The following SSC5D variants were observed in gnomAD, a reference collection of about 807,000 sequenced individuals.
SSC5D encodes soluble scavenger receptor cysteine-rich domain-containing protein SSC5D.
Under a neutral mutation model 104.6 loss-of-function variants are expected in SSC5D, and 106 were observed. The ratio of observed to expected loss-of-function variants is 1.01; its 90% CI spans 0.87 to 1.19. SSC5D has a LOEUF of 1.19. Ranked by LOEUF, SSC5D falls within the 50% of genes most tolerant of loss-of-function variation. The pLI is 0.00. For synonymous variants in SSC5D, 860 were observed against 883.5 expected, an observed-to-expected ratio of 0.97 and a Z score of 0.47; for missense variants, 1,993 against 2,153.8, an observed-to-expected ratio of 0.93 and a Z score of 1.48.
At chr19:55,512,846 C>T (rs1987787196) in intron 12 of SSC5D, among the ~76,000 whole-genome samples, 165 bp from the exon 13 acceptor site, 1 of 152,128 alleles carries the variant, frequency 6.6e-6, no homozygotes, top group Non-Finnish European at 1.5e-5. Context: ...CCAAAAACAT[C>T]CCAGCTGAAT....
chr19:55,515,471 G>A (rs1052636946), intron 13 of SSC5D, among the ~76,000 whole-genome samples: 3 of 150,252 alleles, frequency 2.0e-5, no homozygotes, highest in Admixed American at 1.3e-4. Context: ...CAGTGGCCAC[G>A]CCTGTAATCC....
At position 55,500,060 on chromosome 19, in the gene SSC5D, A is replaced by G. The variant is rs1221577568; in HGVS notation, c.1950A>G (p.Lys650=). ...TTQPPVMPTT[K]HSRAQSPPDL... The stretch of plus-strand genomic sequence containing the variant: ...AACCCCCAGTGATGCCAACCACGAA[A>G]CACTCCAGGGCCCAAAGCCCCCCAG... The change falls in exon 10 of 14, where the codon AAA becomes AAG. Residue 650 remains lysine (K), a synonymous_variant. Coordinates refer to ENST00000389623, the MANE Select transcript of SSC5D (RefSeq NM_001144950.2). The surrounding 1 kb of genome is among the most constrained non-coding windows in gnomAD (Gnocchi z 4.6). 4 of 1,551,676 alleles carry G rather than the reference A, an allele frequency of 2.6e-6. No homozygotes were observed. Among genetic ancestry groups the G allele is most frequent in the Middle Eastern group, 1.7e-4 (1 of 6,014 alleles).
intron 12 of SSC5D, chr19:55,504,323 T>C: frequency 2.1e-6 from 3 of 1,408,742 alleles, no homozygotes; most frequent in South Asian, 3.1e-5. Flanking sequence ...AATCACAAAC[T>C]GCGCCGGTGA....
rs575196468 is a variant in SSC5D at position 55,518,844 on chromosome 19, T to A, written c.4568T>A (p.Leu1523Gln). 6.1e-5 allele frequency: 94 copies of A among 1,550,318 alleles called. No homozygotes were observed. The highest frequency in any genetic ancestry group is 8.1e-5 in the Non-Finnish European group (93 of 1,146,978). ...QERQERQALLLGLTQLVEAAR... is the reference protein window; with the variant it reads ...QERQERQALLQGLTQLVEAAR... ...CGGCAGGAGCGCCAAGCCCTGCTGCTGGGGCTGACGCAGCTGGTAGAAGCT... is the reference window on the plus strand; with the variant it reads ...CGGCAGGAGCGCCAAGCCCTGCTGCAGGGGCTGACGCAGCTGGTAGAAGCT... The change falls in exon 14 of 14, where the codon CTG (leucine) becomes CAG (glutamine). Residue 1523 changes from leucine (L) to glutamine (Q), a missense_variant. Leu to Gln is a moderately radical substitution (Grantham distance 113). Around this residue, in one of 6 missense-constraint regions of SSC5D, gnomAD observed 349 missense variants for 397.6 expected, o/e 0.88. Transcript: ENST00000389623.
Position 55,500,266 on chromosome 19 carries a change from A to G in SSC5D, c.2156A>G (p.Gln719Arg), listed in dbSNP as rs1482890155. The change falls in exon 10 of 14, where the codon CAA becomes CGA. Residue 719 changes from glutamine (Q) to arginine (R), a missense_variant. By Grantham distance (43) the Gln-to-Arg change is conservative. Around this residue, in one of 6 missense-constraint regions of SSC5D, gnomAD observed 1,101 missense variants for 1,085.0 expected, o/e 1.01. Coordinates refer to ENST00000389623, the MANE Select transcript of SSC5D (RefSeq NM_001144950.2). This position sits in a 1 kb window ranked among gnomAD's most constrained non-coding sequence, Gnocchi z 4.6. ...AAGACCATGGCAATGCTGACCACTCAAGGCCCCCAAGAAATGACCTCTGAG... is the reference window on the plus strand; with the variant it reads ...AAGACCATGGCAATGCTGACCACTCGAGGCCCCCAAGAAATGACCTCTGAG... The part of the protein sequence containing the change: ...TTKTMAMLTT[Q>R]GPQEMTSEST... 6.4e-7 allele frequency: 1 copy of G among 1,550,734 alleles called. No individual in the cohort carries two copies. Among genetic ancestry groups the G allele is most frequent in the African/African-American group, 1.4e-5 (1 of 72,746 alleles).
chr19:55,515,859 G>A (rs374475222), intron 13 of SSC5D, among the ~76,000 whole-genome samples: 2 of 152,182 alleles, frequency 1.3e-5, no homozygotes, highest in African/African-American at 4.8e-5. Context: ...AGATCACAGC[G>A]CATTCCCATC....
chr19:55,500,936 A>G lies in SSC5D; in HGVS notation c.2618-98A>G, dbSNP rs1987483010. The G allele has an allele frequency of 7.2e-6, 11 of 1,521,512 alleles. No homozygotes were observed. Among genetic ancestry groups the G allele is most frequent in the South Asian group, 2.5e-5 (2 of 80,710 alleles). 94.3% of individuals were successfully genotyped at this position (1,521,512 alleles called of 1,614,324 possible). A position where few individuals can be genotyped will look rare whatever the true frequency, so the allele number is the denominator to read the frequency against. Reference sequence around the variant, plus strand: ...TGAGGGGTCGGGGTGGGGAGATCCCAGAGTTGCTCCAGAAGATTCCAAAAG... The same window carrying G: ...TGAGGGGTCGGGGTGGGGAGATCCCGGAGTTGCTCCAGAAGATTCCAAAAG... On this transcript the variant is annotated intron_variant, in intron 11 of 13. Transcript: ENST00000389623. The surrounding 1 kb of genome is among the most constrained non-coding windows in gnomAD (Gnocchi z 4.6).
intron 12 of SSC5D, among the ~76,000 whole-genome samples, chr19:55,501,760 C>G (rs553832210): frequency 1.3e-5 from 2 of 152,230 alleles, no homozygotes; most frequent in African/African-American, 4.8e-5. Flanking sequence ...CCTGGGACCA[C>G]GCCCCGCTTT....
intron 12 of SSC5D, chr19:55,504,048 C>T: frequency 6.8e-7 from 1 of 1,476,266 alleles, no homozygotes; most frequent in Non-Finnish European, 9.1e-7. Flanking sequence ...GAAGCAGGCC[C>T]TAGAGGCGCC....
chr19:55,505,448 G>GC (rs1184725764), intron 12 of SSC5D, among the ~76,000 whole-genome samples: 2 of 151,748 alleles, frequency 1.3e-5, no homozygotes, highest in Non-Finnish European at 2.9e-5. Flanking sequence ...ATAATACATC[G>GC]CCACAAATTT....
intron 8 of SSC5D, 112 bp from the exon 9 acceptor site, chr19:55,497,768 A>C: frequency 1.2e-3 from 1,054 of 913,064 alleles, no homozygotes; most frequent in Non-Finnish European, 1.6e-3. Flanking sequence ...GAATGGAGGG[A>C]AGGCCTAGAT....
In SSC5D at chr19:55,494,627, G is replaced by A. The variant is rs540684155; in HGVS notation, c.1231G>A (p.Val411Ile). 38 of 1,542,208 alleles carry A rather than the reference G, an allele frequency of 2.5e-5. No homozygotes were observed. In the South Asian group the frequency reaches 3.1e-4, roughly 13 times the overall value. Reference sequence around the variant, plus strand: ...CTCCACAGGCATGCCCCTGGGCTACGTCCCTCCCACGGCCCCCACGGACAG... The same window carrying A: ...CTCCACAGGCATGCCCCTGGGCTACATCCCTCCCACGGCCCCCACGGACAG... Reference protein sequence around the residue: ...AVCDGMPLGYVPPTAPTDSNN... With the variant: ...AVCDGMPLGYIPPTAPTDSNN... Residue 411 changes from valine to isoleucine, a missense_variant, in exon 8 of 14, where the codon GTC becomes ATC. This residue lies in a region of SSC5D where 1,101 missense variants were observed against 1,085.0 expected (regional missense o/e 1.01). Coordinates refer to ENST00000389623, the MANE Select transcript of SSC5D (RefSeq NM_001144950.2).
chr19:55,489,754 A>G (rs1987079297), intron 3 of SSC5D, 92 bp downstream of exon 3: 6 of 1,496,518 alleles, frequency 4.0e-6, no homozygotes, highest in Non-Finnish European at 5.4e-6. Flanking sequence ...CTGAGTGTTC[A>G]GCAGTTCAGA....
chr19:55,500,309 C>T lies in SSC5D; in HGVS notation c.2199C>T (p.Ile733=), dbSNP rs1260947448. 1 of 1,551,490 alleles carries T rather than the reference C, an allele frequency of 6.4e-7. No homozygotes were observed. The highest frequency in any genetic ancestry group is 8.7e-7 in the Non-Finnish European group (1 of 1,147,002). Residue 733 remains isoleucine (I), a synonymous_variant, in exon 10 of 14, where the codon ATC becomes ATT. Coordinates refer to ENST00000389623, the MANE Select transcript of SSC5D (RefSeq NM_001144950.2). The surrounding 1 kb of genome is among the most constrained non-coding windows in gnomAD (Gnocchi z 4.6). The part of the protein sequence containing the change: ...EMTSESTIKS[I]PQASLEPSAE... The stretch of plus-strand genomic sequence containing the variant: ...CCTCTGAGTCCACTATCAAGAGTAT[C>T]CCTCAGGCCTCCCTGGAGCCATCTG...
rs192234127 is a variant in SSC5D at position 55,489,122 on chromosome 19, C to T, written c.52+90C>T. 4.4e-4 allele frequency: 419 copies of T among 954,708 alleles called. 2 individuals are homozygous for T. The African/African-American group carries it at 6.6e-3, about 15-fold the overall frequency. The allele number at this position is 954,708 out of a possible 1,614,324, so 59.1% of individuals were successfully genotyped here. ...AGGCCTGGCCTCACCCCCACTGGGT[C>T]CCCGGCCCATCCGAATTCCACTGTG... On this transcript the variant is annotated intron_variant, in intron 2 of 13. Transcript: ENST00000389623.
rs975877993 is a variant in SSC5D, at chr19:55,488,505, C to A, written c.-85C>A. 2.5e-6 allele frequency: 3 copies of A among 1,195,282 alleles called. No individual in the cohort carries two copies. Among genetic ancestry groups the A allele is most frequent in the Non-Finnish European group, 2.4e-6 (2 of 827,620 alleles). The allele number at this position is 1,195,282 out of a possible 1,614,324, so 74.0% of individuals were successfully genotyped here. A position where few individuals can be genotyped will look rare whatever the true frequency, so the allele number is the denominator to read the frequency against. ...GGGCGCCTCCAGCAGGCACTTCCCT[C>A]CCTCCCTCTCTCCCCAGCTGCCTCC... is the stretch of plus-strand genomic sequence containing the variant. On this transcript the variant is annotated 5_prime_UTR_variant, in exon 1 of 14. Transcript: ENST00000389623.
In SSC5D at chr19:55,518,610, C is replaced by A; in HGVS notation, c.4334C>A (p.Thr1445Lys). ...TVSPDPLLSP[T>K]AHPLDHPPLD... ...TCCCCTGACCCCCTCCTTTCCCCCACAGCCCACCCCTTGGATCATCCTCCC... is the reference window on the plus strand; with the variant it reads ...TCCCCTGACCCCCTCCTTTCCCCCAAAGCCCACCCCTTGGATCATCCTCCC... Residue 1445 changes from threonine to lysine, a missense_variant, in exon 14 of 14, where the codon ACA becomes AAA. By Grantham distance (78) the Thr-to-Lys change is moderately conservative (BLOSUM62 -1). Transcript: ENST00000389623. 1 of 1,527,802 alleles carries A rather than the reference C, an allele frequency of 6.5e-7. No individual in the cohort carries two copies. The allele number at this position is 1,527,802 out of a possible 1,614,324, so 94.6% of individuals were successfully genotyped here.
At position 55,517,586 on chromosome 19, in the gene SSC5D, A is replaced by C. The variant is rs768054138; in HGVS notation, c.3310A>C (p.Thr1104Pro). The C allele has an allele frequency of 2.6e-6, 4 of 1,551,208 alleles. No homozygotes were observed. The Admixed American group carries it at 7.9e-5, about 30-fold the overall frequency. The change falls in exon 14 of 14, where the codon ACA becomes CCA. Residue 1104 changes from threonine to proline, a missense_variant. Coordinates refer to ENST00000389623, the MANE Select transcript of SSC5D (RefSeq NM_001144950.2). ...CAAAGAGCTGACCTCTGACCCTTCTACACCGTCGGAGGTGACCAGCCTTTC... is the reference window on the plus strand; with the variant it reads ...CAAAGAGCTGACCTCTGACCCTTCTCCACCGTCGGAGGTGACCAGCCTTTC... ...LPKELTSDPS[T>P]PSEVTSLSPT...
At position 55,503,883 on chromosome 19, in the gene SSC5D, A is replaced by G. The variant is rs557896561; in HGVS notation, c.2785+2682A>G. Among the ~76,000 whole-genome samples the G allele has an allele frequency of 6.6e-5, 10 of 151,556 alleles. No individual in the cohort carries two copies. Among genetic ancestry groups the G allele is most frequent in the African/African-American group, 2.2e-4 (9 of 41,200 alleles). ...GTGGGCCCGGGAATGGAGGGACGGG[A>G]TGGGGCAGGCGTTCATCTGCCTCGC... On this transcript the variant is annotated intron_variant, in intron 12 of 13. Transcript: ENST00000389623. The surrounding 1 kb of genome is among the most constrained non-coding windows in gnomAD (Gnocchi z 4.0).
Sources: gnomAD v4.1 joint callset for allele counts (sites outside exome capture counted in the v4.1 genomes callset) on GRCh38, gnomAD v4.1.1 for gene constraint, gnomAD v4.1.1 regional missense constraint, Gnocchi (gnomAD v3.1) non-coding constraint, MANE v1.5 for transcripts, NCBI Gene and HGNC (gene_info 2026-07-23, HGNC 2026-07-21) for gene names.